The following CNTN5 variants were observed in gnomAD, a reference collection of about 807,000 sequenced individuals.
The protein encoded by CNTN5 is contactin-5.
CNTN5 carries 77 observed loss-of-function variants against 129.1 expected under a neutral mutation model. The observed-to-expected ratio is 0.60, with a 90% confidence interval of 0.50 to 0.72. CNTN5 has a LOEUF of 0.72. CNTN5 is among the 30% of genes least tolerant of loss of function. The pLI is 0.00. For missense variants in CNTN5, 1,478 were observed against 1,328.8 expected, an observed-to-expected ratio of 1.11 and a Z score of -1.75; for synonymous variants, 509 against 465.6, an observed-to-expected ratio of 1.09 and a Z score of -1.20.
chr11:99,665,045 T>G lies in CNTN5; in HGVS notation c.55+108776T>G, dbSNP rs543971193. On this transcript the variant is annotated intron_variant, in intron 3 of 24. Transcript: ENST00000524871. The stretch of plus-strand genomic sequence containing the variant: ...AGAATATGTAATTATGTTTAGAAAA[T>G]AAACCTTGAAGTGATACTTCATTGA... Among the ~76,000 whole-genome samples, 21 of 152,190 alleles carry G rather than the reference T, an allele frequency of 1.4e-4. No individual in the cohort carries two copies. In the South Asian group the frequency reaches 3.7e-3, roughly 27 times the overall value.
intron 13 of CNTN5, among the ~76,000 whole-genome samples, chr11:100,097,987 A>G (rs1004771803): frequency 2.0e-5 from 3 of 152,032 alleles, no homozygotes; most frequent in Admixed American, 6.6e-5. Context: ...TTAAGAAAAA[A>G]TCCTTCATTT....
At chr11:99,039,795 C>T (rs1863916060) in intron 1 of CNTN5, among the ~76,000 whole-genome samples, 1 of 151,920 alleles carries the variant, frequency 6.6e-6, no homozygotes, top group Admixed American at 6.6e-5. Flanking sequence ...AAATAGATGG[C>T]CTGAAAGAAT....
intron 3 of CNTN5, among the ~76,000 whole-genome samples, chr11:99,709,233 C>G (rs1003410734): frequency 6.6e-6 from 1 of 151,794 alleles, no homozygotes; most frequent in African/African-American, 2.4e-5. Context: ...AACAAAATGT[C>G]TTTGTTTAAA....
chr11:99,717,100 T>G (rs903701209), intron 3 of CNTN5, among the ~76,000 whole-genome samples: 2 of 152,110 alleles, frequency 1.3e-5, no homozygotes, highest in East Asian at 1.9e-4. Flanking sequence ...AATTGTATAT[T>G]GTATATACAG....
intron 13 of CNTN5, among the ~76,000 whole-genome samples, chr11:100,096,320 C>G (rs946666595): frequency 6.6e-6 from 1 of 152,030 alleles, no homozygotes; most frequent in East Asian, 1.9e-4. Context: ...ATTGGTTTTG[C>G]GAGAATTAAA....
intron 3 of CNTN5, among the ~76,000 whole-genome samples, chr11:99,782,587 G>A (rs1945351819): frequency 2.0e-5 from 3 of 151,088 alleles, no homozygotes; most frequent in African/African-American, 7.3e-5. Flanking sequence ...ATACTGCAAG[G>A]CTACAGTAAC....
At chr11:99,977,573 A>C (rs1049524696) in intron 8 of CNTN5, among the ~76,000 whole-genome samples, 3 of 152,218 alleles carry the variant, frequency 2.0e-5, no homozygotes, top group Non-Finnish European at 4.4e-5. Context: ...GACAAGAAGC[A>C]AGGCATGTCT....
chr11:99,785,051 C>T (rs1271371868), intron 3 of CNTN5, among the ~76,000 whole-genome samples: 5 of 151,840 alleles, frequency 3.3e-5, no homozygotes, highest in African/African-American at 4.8e-5. Context: ...CGCCTGCCTC[C>T]GCCTGCCTCC....
rs529446321 is a variant in CNTN5, at chr11:99,396,623, G to A, written c.-71+71139G>A. 4.5e-4 allele frequency among the ~76,000 whole-genome samples: 69 copies of A among 151,660 alleles called. 1 individual carries two copies. Among genetic ancestry groups the A allele is most frequent in the African/African-American group, 1.2e-3 (51 of 41,482 alleles). On this transcript the variant is annotated intron_variant, in intron 2 of 24. Transcript: ENST00000524871. Reference sequence around the variant, plus strand: ...TATATGAAACCAAAGAGTAAGTAGTGAAAGAACTAAAATTCTGAAAATATT... The same window carrying A: ...TATATGAAACCAAAGAGTAAGTAGTAAAAGAACTAAAATTCTGAAAATATT...
At chr11:99,464,899 G>C (rs1392048362) in intron 2 of CNTN5, among the ~76,000 whole-genome samples, 1 of 152,132 alleles carries the variant, frequency 6.6e-6, no homozygotes, top group Admixed American at 6.5e-5. Context: ...GGTAACAACT[G>C]TAGTTAGTTT....
At chr11:99,726,704 C>T (rs776064410) in intron 3 of CNTN5, among the ~76,000 whole-genome samples, 6 of 152,148 alleles carry the variant, frequency 3.9e-5, no homozygotes, top group Middle Eastern at 3.4e-3. Flanking sequence ...CAAGATGATA[C>T]GAGCAGCAAG....
intron 3 of CNTN5, among the ~76,000 whole-genome samples, chr11:99,772,040 G>T (rs1275693529): frequency 6.7e-6 from 1 of 148,570 alleles, no homozygotes; most frequent in Non-Finnish European, 1.5e-5. Context: ...CAAATGCTTT[G>T]TGACAACTGA....
intron 24 of CNTN5, among the ~76,000 whole-genome samples, chr11:100,355,068 T>G (rs930747207): frequency 6.6e-6 from 1 of 151,740 alleles, no homozygotes; most frequent in African/African-American, 2.4e-5. Context: ...TAAACTTAGC[T>G]TACTGTAACT....
intron 8 of CNTN5, among the ~76,000 whole-genome samples, chr11:99,980,853 T>A (rs573093921): frequency 6.2e-4 from 94 of 151,890 alleles, no homozygotes; most frequent in Non-Finnish European, 1.2e-3. Context: ...GATTTCTTCA[T>A]CCTCATTAAC....
intron 3 of CNTN5, among the ~76,000 whole-genome samples, chr11:99,764,821 A>T (rs1304750937): frequency 6.6e-6 from 1 of 152,150 alleles, no homozygotes; most frequent in Non-Finnish European, 1.5e-5. Flanking sequence ...GACTATCCAG[A>T]TTTCACGTGC....
intron 16 of CNTN5, among the ~76,000 whole-genome samples, chr11:100,235,362 C>A (rs1949587811): frequency 1.3e-5 from 2 of 152,110 alleles, no homozygotes; most frequent in South Asian, 4.1e-4. Context: ...GGGAAAGGAG[C>A]AGGCCTTCTG....
chr11:99,407,312 G>T (rs1354200407), intron 2 of CNTN5, among the ~76,000 whole-genome samples: 1 of 152,096 alleles, frequency 6.6e-6, no homozygotes, highest in Non-Finnish European at 1.5e-5. Flanking sequence ...AAATCAGCGG[G>T]TTCCCTTCTG....
At chr11:100,256,067 T>G in intron 17 of CNTN5, 149 bp downstream of exon 17, 1 of 722,320 alleles carries the variant, frequency 1.4e-6, no homozygotes. Flanking sequence ...CTTCTTTTTA[T>G]GAACCTGAGA....
At chr11:99,285,269 C>T (rs1280478770) in intron 1 of CNTN5, among the ~76,000 whole-genome samples, 1 of 152,038 alleles carries the variant, frequency 6.6e-6, no homozygotes, top group Non-Finnish European at 1.5e-5. Context: ...TTAAAACCTG[C>T]CAATTAATTT....
Sources: gnomAD v4.1 joint callset for allele counts (sites outside exome capture counted in the v4.1 genomes callset) on GRCh38, gnomAD v4.1.1 for gene constraint, MANE v1.5 for transcripts, NCBI Gene and HGNC (gene_info 2026-07-23, HGNC 2026-07-21) for gene names.